The following EFCAB5 variants were observed in gnomAD, a reference collection of about 807,000 sequenced individuals.
EFCAB5 encodes EF-hand calcium-binding domain-containing protein 5.
Under a neutral mutation model 167.9 loss-of-function variants are expected in EFCAB5, and 131 were observed. The observed-to-expected ratio is 0.78, with a 90% confidence interval of 0.68 to 0.90. EFCAB5 has a LOEUF of 0.90. Among genes scored for constraint, EFCAB5 ranks in the 40% least tolerant of loss-of-function variants. The pLI, the probability that EFCAB5 is intolerant of heterozygous loss-of-function variation, is 0.00. For synonymous variants in EFCAB5, 574 were observed against 602.8 expected, an observed-to-expected ratio of 0.95 and a Z score of 0.70; for missense variants, 1,663 against 1,745.2, an observed-to-expected ratio of 0.95 and a Z score of 0.84.
At chr17:30,049,560 G>T (rs2070027824) in intron 8 of EFCAB5, among the ~76,000 whole-genome samples, 1 of 149,196 alleles carries the variant, frequency 6.7e-6, no homozygotes, top group Admixed American at 6.7e-5. Flanking sequence ...ATGGGAAAAA[G>T]ATCTGAAAAA....
chr17:29,958,688 T>C (rs1432452563), intron 3 of EFCAB5, among the ~76,000 whole-genome samples: 2 of 152,160 alleles, frequency 1.3e-5, no homozygotes, highest in African/African-American at 4.8e-5. Flanking sequence ...TTGTGGATGT[T>C]CATTGATGTC....
chr17:30,011,138 G>A (rs1490582237), intron 7 of EFCAB5, among the ~76,000 whole-genome samples: 1 of 152,100 alleles, frequency 6.6e-6, no homozygotes, highest in Non-Finnish European at 1.5e-5. Flanking sequence ...TATTTCTGAG[G>A]CCTCTGTTCT....
At chr17:30,063,280 G>C (rs2070474470) in intron 14 of EFCAB5, among the ~76,000 whole-genome samples, 1 of 152,134 alleles carries the variant, frequency 6.6e-6, no homozygotes, top group Admixed American at 6.5e-5. Context: ...ACCGTACCTG[G>C]TCTTATAGTG....
intron 5 of EFCAB5, 31 bp downstream of exon 5, chr17:29,993,352 A>G (rs752924713): frequency 6.3e-7 from 1 of 1,593,618 alleles, no homozygotes; most frequent in Non-Finnish European, 8.6e-7. Context: ...TGTGAAAGGT[A>G]GGTGGGGTAA....
chr17:30,013,468 C>CTA (rs1225247275), intron 7 of EFCAB5, among the ~76,000 whole-genome samples: 3 of 152,136 alleles, frequency 2.0e-5, no homozygotes, highest in Admixed American at 2.0e-4. Context: ...TAATTGTTGC[C>CTA]TCAATTTCAG....
chr17:29,999,007 T>C (rs2151649757), intron 6 of EFCAB5, among the ~76,000 whole-genome samples: 1 of 152,304 alleles, frequency 6.6e-6, no homozygotes, highest in South Asian at 2.1e-4. Flanking sequence ...TTGATTTTTT[T>C]CTTCTATTTT....
chr17:30,062,183 C>T (rs920179688), intron 14 of EFCAB5, among the ~76,000 whole-genome samples: 1 of 152,136 alleles, frequency 6.6e-6, no homozygotes, highest in African/African-American at 2.4e-5. Context: ...GCTCTTAGGG[C>T]CTGTTTCCCT....
intron 8 of EFCAB5, among the ~76,000 whole-genome samples, chr17:30,036,377 CACAT>C (rs2069630018): frequency 2.2e-5 from 1 of 44,792 alleles, no homozygotes; most frequent in Non-Finnish European, 5.3e-5. Context: ...ATATATAATA[CACAT>C]ATATAATATA....
intron 8 of EFCAB5, among the ~76,000 whole-genome samples, chr17:30,040,079 GA>G (rs1177716221): frequency 6.6e-6 from 1 of 152,212 alleles, no homozygotes; most frequent in Admixed American, 6.5e-5. Flanking sequence ...CAGTAGGCCA[GA>G]GGCCCAGGTT....
intron 3 of EFCAB5, among the ~76,000 whole-genome samples, chr17:29,957,577 G>T (rs1006242243): frequency 6.6e-6 from 1 of 152,118 alleles, no homozygotes; most frequent in Admixed American, 6.5e-5. Context: ...AGAACATGCG[G>T]TGTTTGGTTT....
At position 30,051,110 on chromosome 17, in the gene EFCAB5, T is replaced by A. The variant is rs1329770251; in HGVS notation, c.1201-8T>A. Reference sequence around the variant, plus strand: ...AACAACTAATCACAAACTTTCTTCTTTGCTTAGGTAGGGTTTTTGGATCGG... The same window carrying A: ...AACAACTAATCACAAACTTTCTTCTATGCTTAGGTAGGGTTTTTGGATCGG... On this transcript the variant is annotated splice_polypyrimidine_tract_variant and splice_region_variant and intron_variant, in intron 8 of 22. Transcript: ENST00000394835. The A allele has an allele frequency of 6.2e-7, 1 of 1,612,870 alleles. No individual in the cohort carries two copies. Among genetic ancestry groups the A allele is most frequent in the African/African-American group, 1.3e-5 (1 of 74,902 alleles).
intron 3 of EFCAB5, among the ~76,000 whole-genome samples, chr17:29,961,876 A>C (rs548471211): frequency 4.6e-5 from 7 of 152,284 alleles, no homozygotes; most frequent in African/African-American, 1.7e-4. Context: ...TTTTGTATAT[A>C]AGGTAAAGGA....
In EFCAB5 at chr17:29,979,275, G is replaced by A. The variant is rs142017906; in HGVS notation, c.767+9908G>A. On this transcript the variant is annotated intron_variant, in intron 4 of 22. Transcript: ENST00000394835. ...GGAGAATTGCTTGAACATGGGAGGCGGAGGTTGCAGTGAGCTGAGACCACA... is the reference window on the plus strand; with the variant it reads ...GGAGAATTGCTTGAACATGGGAGGCAGAGGTTGCAGTGAGCTGAGACCACA... Among the ~76,000 whole-genome samples the A allele has an allele frequency of 8.4e-3, 1,272 of 152,096 alleles. 21 individuals carry two copies. Among genetic ancestry groups the A allele is most frequent in the African/African-American group, 0.029 (1,212 of 41,472 alleles).
chr17:30,048,459 T>G (rs2069988579), intron 8 of EFCAB5, among the ~76,000 whole-genome samples: 1 of 151,938 alleles, frequency 6.6e-6, no homozygotes, highest in Non-Finnish European at 1.5e-5. Context: ...CTAATTTTCC[T>G]GTTTTGTCTA....
intron 8 of EFCAB5, among the ~76,000 whole-genome samples, chr17:30,046,675 T>C (rs961682166): frequency 6.6e-6 from 1 of 152,210 alleles, no homozygotes; most frequent in Non-Finnish European, 1.5e-5. Context: ...AATCTGAGAC[T>C]TGAGCCACAA....
intron 3 of EFCAB5, among the ~76,000 whole-genome samples, chr17:29,959,453 C>A (rs1444399233): frequency 6.6e-6 from 1 of 151,922 alleles, no homozygotes; most frequent in Non-Finnish European, 1.5e-5. Context: ...TGGGTCATAC[C>A]TGAAGCCTGC....
At chr17:30,023,572 A>T (rs1379650310) in intron 7 of EFCAB5, among the ~76,000 whole-genome samples, 4 of 152,122 alleles carry the variant, frequency 2.6e-5, no homozygotes, top group Non-Finnish European at 1.5e-5. Flanking sequence ...CCAGGACCAG[A>T]TGGATTCGCT....
chr17:30,046,146 T>C (rs972961986), intron 8 of EFCAB5, among the ~76,000 whole-genome samples: 6 of 152,232 alleles, frequency 3.9e-5, no homozygotes, highest in African/African-American at 1.4e-4. Flanking sequence ...AAGGGAGCCT[T>C]CTGGCAGTGA....
At chr17:30,084,995 C>A (rs994319561) in intron 18 of EFCAB5, among the ~76,000 whole-genome samples, 1 of 152,140 alleles carries the variant, frequency 6.6e-6, no homozygotes, top group Non-Finnish European at 1.5e-5. Context: ...TCCCCGCCCC[C>A]TCTCCCCGCC....
Sources: gnomAD v4.1 joint callset for allele counts (sites outside exome capture counted in the v4.1 genomes callset) on GRCh38, gnomAD v4.1.1 for gene constraint, MANE v1.5 for transcripts, NCBI Gene and HGNC (gene_info 2026-07-23, HGNC 2026-07-21) for gene names.